PCM1: variants seen among roughly 807,000 people sequenced by gnomAD.
PCM1 encodes the protein pericentriolar material 1 protein.
PCM1 carries 157 observed loss-of-function variants against 241.9 expected under a neutral mutation model. The observed-to-expected ratio is 0.65, with a 90% CI of 0.57 to 0.74. The LOEUF (loss-of-function observed/expected upper bound fraction) is 0.74. Among genes scored for constraint, PCM1 ranks in the 30% least tolerant of loss-of-function variants. The pLI is 0.00. For synonymous variants in PCM1, 1,085 were observed against 784.9 expected, an observed-to-expected ratio of 1.38 and a Z score of -6.39; for missense variants, 3,478 against 2,360.1, an observed-to-expected ratio of 1.47 and a Z score of -9.81.
At chr8:17,926,910 A>T (rs1303561714) in intron 2 of PCM1, 1 of 152,114 alleles carries the variant, frequency 6.6e-6, no homozygotes, top group Non-Finnish European at 1.5e-5. Context: ...TGGAATAGAG[A>T]AGATGAGATG....
chr8:17,944,035 T>G (rs1439908828), intron 6 of PCM1, among the ~76,000 whole-genome samples: 1 of 152,198 alleles, frequency 6.6e-6, no homozygotes, highest in African/African-American at 2.4e-5. Context: ...AAAGAAAGCC[T>G]TCTACGAGTA....
intron 6 of PCM1, among the ~76,000 whole-genome samples, chr8:17,943,645 A>C (rs1002322355): frequency 6.6e-6 from 1 of 151,914 alleles, no homozygotes; most frequent in African/African-American, 2.4e-5. Context: ...CATTTATTTC[A>C]TTTTGACTTT....
intron 2 of PCM1, chr8:17,934,829 C>G (rs1428230653): frequency 6.6e-6 from 1 of 152,338 alleles, no homozygotes; most frequent in African/African-American, 2.4e-5. Context: ...TCCACCATTG[C>G]TGCTGCTTTT....
chr8:17,955,767 A>G lies in PCM1; in HGVS notation c.1472+114A>G, dbSNP rs74721168. ...AGATTTATTTAATATTGTTGTAAACATTCTTAAGGGATAGGTAGAAGAGGC... is the reference window on the plus strand; with the variant it reads ...AGATTTATTTAATATTGTTGTAAACGTTCTTAAGGGATAGGTAGAAGAGGC... On this transcript the variant is annotated intron_variant, in intron 10 of 38. Transcript: ENST00000325083. The G allele has an allele frequency of 3.4e-3, 2,828 of 821,206 alleles. 53 individuals carry two copies. The African/African-American group carries it at 0.043, about 13-fold the overall frequency. The allele number at this position is 821,206 out of a possible 1,614,324, so 50.9% of individuals were successfully genotyped here. A position where few individuals can be genotyped will look rare whatever the true frequency, so the allele number is the denominator to read the frequency against.
chr8:17,975,150 T>A (rs575084466), intron 23 of PCM1, among the ~76,000 whole-genome samples: 1 of 152,296 alleles, frequency 6.6e-6, no homozygotes, highest in African/African-American at 2.4e-5. Context: ...TGAAAAGTAC[T>A]GAACTAGAAC....
intron 2 of PCM1, among the ~76,000 whole-genome samples, chr8:17,931,727 T>G (rs113863056): frequency 9.9e-5 from 15 of 152,218 alleles, no homozygotes; most frequent in African/African-American, 3.1e-4. Flanking sequence ...AAATATGGCA[T>G]CACTTCTGTT....
chr8:17,948,171 C>T (rs2064539384), intron 7 of PCM1, among the ~76,000 whole-genome samples: 1 of 152,118 alleles, frequency 6.6e-6, no homozygotes, highest in Non-Finnish European at 1.5e-5. Context: ...ACTGAGGCTA[C>T]CCTGTTGTGA....
rs377102229 is a variant in PCM1, at chr8:18,018,879, TACACACAC to T, written c.5841+4041_5841+4048del. Among the ~76,000 whole-genome samples the T allele has an allele frequency of 9.0e-3, 320 of 35,412 alleles. 8 individuals carry two copies. Among genetic ancestry groups the T allele is most frequent in the South Asian group, 0.037 (67 of 1,798 alleles). 23.2% of individuals were successfully genotyped at this position (35,412 alleles called of 152,430 possible). On this transcript the variant is annotated intron_variant, in intron 36 of 38. Transcript: ENST00000325083. ...ATATATATATATATATATATATATA[TACACACAC>T]ATATACATACACATATATATATATA...
intron 1 of PCM1, among the ~76,000 whole-genome samples, chr8:17,924,340 TA>T (rs1437498891): frequency 6.6e-6 from 1 of 152,224 alleles, no homozygotes; most frequent in Admixed American, 6.5e-5. Flanking sequence ...CAAACATTTT[TA>T]AAATCATCGG....
intron 34 of PCM1, among the ~76,000 whole-genome samples, chr8:18,013,313 A>G (rs1442416514): frequency 1.3e-5 from 2 of 152,160 alleles, no homozygotes; most frequent in African/African-American, 4.8e-5. Context: ...GTCATTTTCA[A>G]TAGCAAAACC....
chr8:17,949,956 A>G (rs1011675872), intron 7 of PCM1, among the ~76,000 whole-genome samples: 11 of 152,192 alleles, frequency 7.2e-5, no homozygotes, highest in African/African-American at 2.7e-4. Flanking sequence ...ACAGTCTTTT[A>G]GTATGACTTG....
In PCM1 at chr8:18,018,902, A is replaced by G. The variant is rs1564429045; in HGVS notation, c.5841+4062A>G. 2.2e-3 allele frequency among the ~76,000 whole-genome samples: 274 copies of G among 127,138 alleles called. 8 individuals carry two copies. The highest frequency in any genetic ancestry group is 0.016 in the South Asian group (65 of 4,102). The allele number at this position is 127,138 out of a possible 152,430, so 83.4% of individuals were successfully genotyped here. On this transcript the variant is annotated intron_variant, in intron 36 of 38. Transcript: ENST00000325083. ...TATACACACACATATACATACACAT[A>G]TATATATATAAATATATAACATATA...
intron 24 of PCM1, among the ~76,000 whole-genome samples, chr8:17,982,383 A>G (rs987093768): frequency 7.2e-5 from 11 of 152,192 alleles, no homozygotes; most frequent in African/African-American, 2.7e-4. Flanking sequence ...ATAGTACTTC[A>G]GGCCCTATTA....
intron 7 of PCM1, 88 bp downstream of exon 7, chr8:17,947,451 G>C: frequency 1.1e-6 from 1 of 932,006 alleles, no homozygotes; most frequent in South Asian, 2.0e-5. Context: ...TACATAATCA[G>C]ATCTTGATTG....
chr8:17,961,345 C>G lies in PCM1; in HGVS notation c.2323-689C>G, dbSNP rs2071914255. Among the ~76,000 whole-genome samples the G allele has an allele frequency of 2.6e-5, 3 of 117,222 alleles. No individual in the cohort carries two copies. In the South Asian group the frequency reaches 8.4e-4, roughly 33 times the overall value. The allele number at this position is 117,222 out of a possible 152,430, so 76.9% of individuals were successfully genotyped here. A position where few individuals can be genotyped will look rare whatever the true frequency, so the allele number is the denominator to read the frequency against. ...TTTTTTTTTGAGACGGAGTCTCGCTCTGTGGCCCAGGTGGGAGTGCAGTGG... is the reference window on the plus strand; with the variant it reads ...TTTTTTTTTGAGACGGAGTCTCGCTGTGTGGCCCAGGTGGGAGTGCAGTGG... On this transcript the variant is annotated intron_variant, in intron 15 of 38. Coordinates refer to ENST00000325083, the MANE Select transcript of PCM1 (RefSeq NM_006197.4).
At chr8:18,010,700 T>A (rs748265118) in intron 32 of PCM1, 32 bp downstream of exon 32, 12 of 1,515,930 alleles carry the variant, frequency 7.9e-6, no homozygotes, top group Non-Finnish European at 9.9e-6. Flanking sequence ...CCTAAAAATA[T>A]GGCTGGGCGC....
chr8:17,954,352 G>C, intron 9 of PCM1, among the ~76,000 whole-genome samples: 1 of 151,842 alleles, frequency 6.6e-6, no homozygotes. Flanking sequence ...GCTTGAATCT[G>C]GGAGGCGGAG....
intron 28 of PCM1, among the ~76,000 whole-genome samples, chr8:17,992,845 G>A (rs1471607622): frequency 4.0e-5 from 6 of 151,428 alleles, no homozygotes; most frequent in Admixed American, 2.0e-4. Flanking sequence ...TTGAACTCCT[G>A]GTCTCAAGTG....
At chr8:17,923,571 G>C (rs2055472222) in intron 1 of PCM1, among the ~76,000 whole-genome samples, 1 of 152,142 alleles carries the variant, frequency 6.6e-6, no homozygotes, top group East Asian at 1.9e-4. Context: ...ACTGGGTCGA[G>C]TTCTTAGAGA....
Sources: allele counts gnomAD v4.1 joint callset (sites outside exome capture counted in the v4.1 genomes callset), GRCh38; gene constraint gnomAD v4.1.1; transcripts MANE v1.5; gene names NCBI Gene and HGNC (gene_info 2026-07-23, HGNC 2026-07-21).